Variants in SCN3B observed in about 807,000 individuals in gnomAD.
The protein encoded by SCN3B is sodium channel regulatory subunit beta-3.
A neutral mutation model predicts 25.4 loss-of-function variants in SCN3B; 11 were observed. The ratio of observed to expected loss-of-function variants is 0.43; its 90% CI spans 0.27 to 0.72. SCN3B has a LOEUF of 0.72. SCN3B is among the 30% of genes least tolerant of loss of function. The pLI, the probability that SCN3B is intolerant of heterozygous loss-of-function variation, is 0.18. For synonymous variants in SCN3B, 109 were observed against 110.7 expected (o/e 0.99, Z 0.09); for missense variants, 218 against 278.3 (o/e 0.78, Z 1.54).
In SCN3B at chr11:123,653,751, G is replaced by A. The variant is rs1565499699; in HGVS notation, c.51C>T (p.Tyr17=). The change falls in exon 2 of 7, where the codon TAC becomes TAT. Residue 17 remains tyrosine, a synonymous_variant. Transcript: ENST00000299333. ...LFPLASLVLI[Y]WVSVCFPVCV... is the part of the protein sequence containing the mutation. ...TGGCGAGGTGCTGGTACTTACCCCA[G>A]TAGATAAGCACGAGAGAAGCCAGGG... 1 of 1,614,214 alleles carries A rather than the reference G, an allele frequency of 6.2e-7. No individual in the cohort carries two copies. Among genetic ancestry groups the A allele is most frequent in the Non-Finnish European group, 8.5e-7 (1 of 1,180,026 alleles).
intron 2 of SCN3B, among the ~76,000 whole-genome samples, chr11:123,650,230 T>G (rs1320149333): frequency 6.6e-6 from 1 of 152,194 alleles, no homozygotes; most frequent in Non-Finnish European, 1.5e-5. Flanking sequence ...TAGGGAGTAG[T>G]AGCATCCATC....
At position 123,630,733 on chromosome 11, in the gene SCN3B, T is replaced by A. The variant is rs2137226739; in HGVS notation, c.*3066A>T. On this transcript the variant is annotated 3_prime_UTR_variant, in exon 7 of 7. Coordinates refer to ENST00000299333, the MANE Select transcript of SCN3B (RefSeq NM_001040151.2). ...AAGAGAACCAAAATAGGACTGACTCTCAAAGCACATTGCTAGCATCCACCA... is the reference window on the plus strand; with the variant it reads ...AAGAGAACCAAAATAGGACTGACTCACAAAGCACATTGCTAGCATCCACCA... 6.6e-6 allele frequency: 1 copy of A among 152,266 alleles called. No homozygotes were observed. Among genetic ancestry groups the A allele is most frequent in the South Asian group, 2.1e-4 (1 of 4,828 alleles). The allele number at this position is 152,266 out of a possible 1,614,324, so 9.4% of individuals were successfully genotyped here.
chr11:123,644,800 A>AATATATAT (rs56135097), intron 3 of SCN3B, among the ~76,000 whole-genome samples: 42 of 45,582 alleles, frequency 9.2e-4, no homozygotes, highest in East Asian at 1.4e-3. Flanking sequence ...AGAGAGAGAG[A>AATATATAT]ATATATATAT....
Position 123,645,656 on chromosome 11 carries a change from C to G in SCN3B, c.150G>C (p.Lys50Asn). 2 of 1,614,206 alleles carry G rather than the reference C, an allele frequency of 1.2e-6. No homozygotes were observed. Among genetic ancestry groups the G allele is most frequent in the Non-Finnish European group, 1.7e-6 (2 of 1,180,038 alleles). Residue 50 changes from lysine (K) to asparagine (N), a missense_variant, in exon 3 of 7, where the codon AAG becomes AAC. Coordinates refer to ENST00000299333, the MANE Select transcript of SCN3B (RefSeq NM_001040151.2). The part of the protein sequence containing the change: ...PMKLRCISCM[K>N]REEVEATTVV... ...CCGTGGTGGCCTCCACCTCCTCTCT[C>G]TTCATGCAGGAGATGCAGCGCAGCT...
In SCN3B at chr11:123,650,751, C is replaced by A. The variant is rs143487593; in HGVS notation, c.55+2996G>T. ...GCACTGGAAGACTGAAATCAGAAAACAAGGGTTCTCTAGCAAGTCCTTTCC... is the reference window on the plus strand; with the variant it reads ...GCACTGGAAGACTGAAATCAGAAAAAAAGGGTTCTCTAGCAAGTCCTTTCC... On this transcript the variant is annotated intron_variant, in intron 2 of 6. Coordinates refer to ENST00000299333, the MANE Select transcript of SCN3B (RefSeq NM_001040151.2). 2.0e-5 allele frequency among the ~76,000 whole-genome samples: 3 copies of A among 152,262 alleles called. No individual in the cohort carries two copies. In the East Asian group the frequency reaches 5.8e-4, roughly 29 times the overall value.
At position 123,642,341 on chromosome 11, in the gene SCN3B, G is replaced by A. The variant is rs1955801392; in HGVS notation, c.445+105C>T. ...TTAGATGTCACCATTCCAAATACAT[G>A]GGTTTTTGCACTCTTTAAGGGCCTC... On this transcript the variant is annotated intron_variant, in intron 4 of 6. Coordinates refer to ENST00000299333, the MANE Select transcript of SCN3B (RefSeq NM_001040151.2). This position sits in a 1 kb window ranked among gnomAD's most constrained non-coding sequence, Gnocchi z 4.3. 9.4e-7 allele frequency: 1 copy of A among 1,060,890 alleles called. No individual in the cohort carries two copies. The highest frequency in any genetic ancestry group is 1.5e-6 in the Non-Finnish European group (1 of 687,462). The allele number at this position is 1,060,890 out of a possible 1,614,324, so 65.7% of individuals were successfully genotyped here. A position where few individuals can be genotyped will look rare whatever the true frequency, so the allele number is the denominator to read the frequency against.
intron 2 of SCN3B, among the ~76,000 whole-genome samples, chr11:123,646,348 G>A (rs1406886669): frequency 6.6e-6 from 1 of 152,246 alleles, no homozygotes; most frequent in Non-Finnish European, 1.5e-5. Flanking sequence ...GAGAAGGATG[G>A]TGAAACATGA....
At position 123,632,882 on chromosome 11, in the gene SCN3B, C is replaced by A. The variant is rs1192492677; in HGVS notation, c.*917G>T. 6.6e-6 allele frequency: 1 copy of A among 152,176 alleles called. No homozygotes were observed. The highest frequency in any genetic ancestry group is 1.9e-4 in the East Asian group (1 of 5,182). 9.4% of individuals were successfully genotyped at this position (152,176 alleles called of 1,614,324 possible). ...AAGGCTTATTTCTGCTCCAGTTTAT[C>A]CTCTTAAGCCTCTTATTCAGTTGAG... On this transcript the variant is annotated 3_prime_UTR_variant, in exon 7 of 7. Coordinates refer to ENST00000299333, the MANE Select transcript of SCN3B (RefSeq NM_001040151.2).
At chr11:123,649,140 G>A (rs1955888823) in intron 2 of SCN3B, among the ~76,000 whole-genome samples, 2 of 152,186 alleles carry the variant, frequency 1.3e-5, no homozygotes, top group African/African-American at 4.8e-5. Context: ...AGAGCTGGTG[G>A]AGTTTGAAAG....
chr11:123,649,561 T>C (rs974626797), intron 2 of SCN3B, among the ~76,000 whole-genome samples: 1 of 152,254 alleles, frequency 6.6e-6, no homozygotes, highest in African/African-American at 2.4e-5. Flanking sequence ...TGTTTCTCCA[T>C]CCTTTGAGTC....
chr11:123,645,760 G>A lies in SCN3B; in HGVS notation c.56-10C>T. On this transcript the variant is annotated splice_polypyrimidine_tract_variant and intron_variant, in intron 2 of 6. Coordinates refer to ENST00000299333, the MANE Select transcript of SCN3B (RefSeq NM_001040151.2). ...GGGAAGCAGACACTGACTGCAGAGAGGACAGATGGACAGGGAAGGAACAGC... is the reference window on the plus strand; with the variant it reads ...GGGAAGCAGACACTGACTGCAGAGAAGACAGATGGACAGGGAAGGAACAGC... 1.2e-6 allele frequency: 2 copies of A among 1,614,018 alleles called. No homozygotes were observed. Among genetic ancestry groups the A allele is most frequent in the Non-Finnish European group, 1.7e-6 (2 of 1,180,002 alleles).
At position 123,644,788 on chromosome 11, in the gene SCN3B, AGAGAGAGAGAGAATATATAT is replaced by A. The variant is rs1471856406; in HGVS notation, c.219+779_219+798del. Among the ~76,000 whole-genome samples the A allele has an allele frequency of 1.2e-4, 13 of 104,898 alleles. No homozygotes were observed. In the South Asian group the frequency reaches 1.9e-3, roughly 15 times the overall value. The allele number at this position is 104,898 out of a possible 152,430, so 68.8% of individuals were successfully genotyped here. ...CGTTGAGAGAGAGAGAGAGAGAGAG[AGAGAGAGAGAGAATATATAT>A]ATATATATATATATATATATATATA... is the stretch of plus-strand genomic sequence containing the variant. On this transcript the variant is annotated intron_variant, in intron 3 of 6. Transcript: ENST00000299333.
intron 2 of SCN3B, among the ~76,000 whole-genome samples, chr11:123,651,774 A>G (rs1255342032): frequency 6.6e-6 from 1 of 152,156 alleles, no homozygotes; most frequent in Non-Finnish European, 1.5e-5. Context: ...AAAGAAACTG[A>G]GAATGGGCAA....
chr11:123,645,419 A>C (rs1955843335), intron 3 of SCN3B, among the ~76,000 whole-genome samples, 168 bp downstream of exon 3: 1 of 152,140 alleles, frequency 6.6e-6, no homozygotes, highest in South Asian at 2.1e-4. Flanking sequence ...TTTCTCTCAC[A>C]GAAGCTGGGG....
At chr11:123,644,991 T>A (rs923039131) in intron 3 of SCN3B, among the ~76,000 whole-genome samples, 2 of 151,568 alleles carry the variant, frequency 1.3e-5, no homozygotes, top group Non-Finnish European at 2.9e-5. Flanking sequence ...CAGGAGCGAA[T>A]CTCTTCGTTT....
chr11:123,652,772 C>T (rs1955941796), intron 2 of SCN3B, among the ~76,000 whole-genome samples: 1 of 152,174 alleles, frequency 6.6e-6, no homozygotes, highest in Admixed American at 6.5e-5. Context: ...CACCCCCACC[C>T]CTGCCATACA....
intron 1 of SCN3B, 84 bp from the exon 2 acceptor site, chr11:123,653,910 G>A: frequency 7.6e-7 from 1 of 1,313,944 alleles, no homozygotes; most frequent in Non-Finnish European, 1.1e-6. Flanking sequence ...TGCCCCCAGG[G>A]GGCGACTTTC....
At chr11:123,644,019 C>T (rs1048881051) in intron 3 of SCN3B, among the ~76,000 whole-genome samples, 7 of 152,222 alleles carry the variant, frequency 4.6e-5, no homozygotes, top group African/African-American at 1.7e-4. Context: ...AACCCAGTTT[C>T]GCCCTTCCAT....
At chr11:123,635,410 C>T (rs546047509) in intron 5 of SCN3B, among the ~76,000 whole-genome samples, 15 of 152,154 alleles carry the variant, frequency 9.9e-5, no homozygotes, top group East Asian at 3.9e-4. Context: ...TCTGGCTGGG[C>T]GCAGTGGCTC....
Sources: gnomAD v4.1 joint callset for allele counts (sites outside exome capture counted in the v4.1 genomes callset) on GRCh38, gnomAD v4.1.1 for gene constraint, Gnocchi (gnomAD v3.1) non-coding constraint, MANE v1.5 for transcripts, NCBI Gene and HGNC (gene_info 2026-07-23, HGNC 2026-07-21) for gene names.